Variants in XRN1 observed in about 807,000 individuals in gnomAD.
XRN1 encodes strand-exchange protein 1 homolog.
XRN1 carries 67 observed loss-of-function variants against 222.3 expected under a neutral mutation model. The ratio of observed to expected loss-of-function variants is 0.30; its 90% CI spans 0.25 to 0.37. The LOEUF is 0.37. XRN1 is among the 10% of genes least tolerant of loss of function. The pLI is 1.00. For synonymous variants in XRN1, 643 were observed against 652.4 expected, an observed-to-expected ratio of 0.99 and a Z score of 0.22; for missense variants, 1,707 against 2,000.2, an observed-to-expected ratio of 0.85 and a Z score of 2.80.
At chr3:142,360,828 T>G (rs1218739201) in intron 29 of XRN1, among the ~76,000 whole-genome samples, 1 of 140,574 alleles carries the variant, frequency 7.1e-6, no homozygotes, top group Non-Finnish European at 1.5e-5. Context: ...GAGCTTAGAC[T>G]GCATCACTGC....
At chr3:142,387,128 CATT>C (rs1166623769) in intron 20 of XRN1, among the ~76,000 whole-genome samples, 5 of 152,062 alleles carry the variant, frequency 3.3e-5, no homozygotes, top group Admixed American at 3.3e-4. Flanking sequence ...GTAATAGTAT[CATT>C]AGTGAAAATG....
At chr3:142,394,075 T>C (rs995799044) in intron 20 of XRN1, among the ~76,000 whole-genome samples, 3 of 152,072 alleles carry the variant, frequency 2.0e-5, no homozygotes, top group African/African-American at 7.2e-5. Flanking sequence ...GATCTGCCCA[T>C]CTTGGCCTCC....
rs186563041 is a variant in XRN1, at chr3:142,445,548, G to A, written c.75+2322C>T. ...GTTCACAAAGCTGTTTCTGGGTAGTGTTAAAAAATACAGTGGTTTGCTTTG... is the reference window on the plus strand; with the variant it reads ...GTTCACAAAGCTGTTTCTGGGTAGTATTAAAAAATACAGTGGTTTGCTTTG... On this transcript the variant is annotated intron_variant, in intron 1 of 40. Transcript: ENST00000392981. 3.1e-4 allele frequency among the ~76,000 whole-genome samples: 47 copies of A among 152,286 alleles called. No individual in the cohort carries two copies. In the East Asian group the frequency reaches 5.2e-3, roughly 17 times the overall value.
intron 39 of XRN1, among the ~76,000 whole-genome samples, chr3:142,316,393 T>G (rs568754554): frequency 6.6e-6 from 1 of 152,132 alleles, no homozygotes; most frequent in South Asian, 2.1e-4. Context: ...CCTTTGTATT[T>G]TTTGTAGATT....
chr3:142,344,040 G>T (rs530660215), intron 33 of XRN1, among the ~76,000 whole-genome samples: 2 of 139,102 alleles, frequency 1.4e-5, no homozygotes, highest in Admixed American at 1.5e-4. Flanking sequence ...AATTAAAAAC[G>T]ACTGAACTCA....
At chr3:142,410,685 G>A (rs987010193) in intron 15 of XRN1, among the ~76,000 whole-genome samples, 63 of 151,800 alleles carry the variant, frequency 4.2e-4, no homozygotes, top group African/African-American at 1.5e-3. Context: ...TAGTGGAGAC[G>A]AGATTTAATC....
intron 21 of XRN1, among the ~76,000 whole-genome samples, chr3:142,384,042 G>A (rs1225735237): frequency 6.6e-6 from 1 of 151,954 alleles, no homozygotes; most frequent in Non-Finnish European, 1.5e-5. Flanking sequence ...AGGCCGAGGT[G>A]GGTGGATCAC....
At chr3:142,337,998 A>G (rs1011978075) in intron 33 of XRN1, among the ~76,000 whole-genome samples, 1 of 152,204 alleles carries the variant, frequency 6.6e-6, no homozygotes, top group African/African-American at 2.4e-5. Flanking sequence ...CCTTGCCCCC[A>G]TGGACTGAAG....
At chr3:142,332,693 C>G (rs1044551939) in intron 35 of XRN1, among the ~76,000 whole-genome samples, 159 bp from the exon 36 acceptor site, 1 of 151,198 alleles carries the variant, frequency 6.6e-6, no homozygotes, top group Non-Finnish European at 1.5e-5. Context: ...AAACCCAACA[C>G]CCACATTTCT....
At chr3:142,387,438 T>A (rs529275989) in intron 20 of XRN1, among the ~76,000 whole-genome samples, 10 of 152,288 alleles carry the variant, frequency 6.6e-5, no homozygotes, top group African/African-American at 2.4e-4. Context: ...TGAAAATTCA[T>A]CAAGTAATAT....
intron 24 of XRN1, 116 bp from the exon 25 acceptor site, chr3:142,376,060 C>G: frequency 4.4e-6 from 6 of 1,378,944 alleles, no homozygotes; most frequent in Non-Finnish European, 5.6e-6. Flanking sequence ...TAGAAAAGCT[C>G]AGTTTTGATT....
At chr3:142,400,913 T>A (rs1019941998) in intron 18 of XRN1, among the ~76,000 whole-genome samples, 1 of 151,448 alleles carries the variant, frequency 6.6e-6, no homozygotes, top group Admixed American at 6.6e-5. Flanking sequence ...CAAGACTCCG[T>A]CTCAAAAATA....
At chr3:142,397,811 C>G (rs1023283777) in intron 19 of XRN1, among the ~76,000 whole-genome samples, 18 of 151,942 alleles carry the variant, frequency 1.2e-4, no homozygotes, top group African/African-American at 3.9e-4. Flanking sequence ...TTGAAAATAG[C>G]CAGAAGAGAT....
At chr3:142,430,273 C>G (rs1008234239) in intron 2 of XRN1, among the ~76,000 whole-genome samples, 1 of 152,116 alleles carries the variant, frequency 6.6e-6, no homozygotes, top group Non-Finnish European at 1.5e-5. Context: ...CTGAATTACA[C>G]CCCTTTTTGT....
At chr3:142,381,242 T>C (rs1215320856) in intron 22 of XRN1, among the ~76,000 whole-genome samples, 1 of 152,190 alleles carries the variant, frequency 6.6e-6, no homozygotes, top group Non-Finnish European at 1.5e-5. Context: ...CCCTTGAGTA[T>C]ATATTACATA....
chr3:142,443,717 ACTG>A (rs2070362527), intron 1 of XRN1, among the ~76,000 whole-genome samples: 1 of 152,238 alleles, frequency 6.6e-6, no homozygotes, highest in African/African-American at 2.4e-5. Context: ...CAGCAACCCC[ACTG>A]CTATCTGTGT....
chr3:142,415,886 G>T (rs565116286), intron 13 of XRN1, among the ~76,000 whole-genome samples: 4 of 152,072 alleles, frequency 2.6e-5, no homozygotes, highest in Admixed American at 2.6e-4. Flanking sequence ...TTCTACTTTG[G>T]TGGATGGTTT....
chr3:142,361,865 A>G (rs1218164694), intron 29 of XRN1, among the ~76,000 whole-genome samples: 1 of 112,288 alleles, frequency 8.9e-6, no homozygotes, highest in Non-Finnish European at 1.9e-5. Flanking sequence ...TTGCCTTTTC[A>G]TTTCTGTAAT....
intron 33 of XRN1, among the ~76,000 whole-genome samples, chr3:142,345,212 A>C (rs1362107694): frequency 6.6e-6 from 1 of 152,190 alleles, no homozygotes; most frequent in African/African-American, 2.4e-5. Flanking sequence ...CTGGTACTAC[A>C]GATGCATGCC....
Sources: allele counts gnomAD v4.1 joint callset (sites outside exome capture counted in the v4.1 genomes callset), GRCh38; gene constraint gnomAD v4.1.1; transcripts MANE v1.5; gene names NCBI Gene and HGNC (gene_info 2026-07-23, HGNC 2026-07-21).